The following SLAMF6 variants were observed in gnomAD, a reference collection of about 807,000 sequenced individuals.
SLAMF6 encodes the protein SLAM family member 6.
SLAMF6 carries 21 observed loss-of-function variants against 38.3 expected under a neutral mutation model. The observed-to-expected ratio is 0.55, with a 90% CI of 0.39 to 0.79. SLAMF6 has a LOEUF of 0.79. Among genes scored for constraint, SLAMF6 ranks in the 30% least tolerant of loss-of-function variants. The pLI is 0.00. For synonymous variants in SLAMF6, 152 were observed against 146.3 expected (o/e 1.04, Z -0.28); for missense variants, 341 against 385.3 (o/e 0.89, Z 0.96).
At chr1:160,487,440 T>C (rs558505992) in intron 6 of SLAMF6, among the ~76,000 whole-genome samples, 4 of 152,354 alleles carry the variant, frequency 2.6e-5, no homozygotes, top group East Asian at 3.9e-4. Context: ...CCTTGCTGTA[T>C]GAAGGGAAGG....
chr1:160,521,840 C>T (rs145495227), intron 1 of SLAMF6, among the ~76,000 whole-genome samples: 4 of 152,206 alleles, frequency 2.6e-5, no homozygotes, highest in Non-Finnish European at 5.9e-5. Context: ...ATTTCACTGC[C>T]GTCTTTACCA....
chr1:160,494,142 A>C (rs1653444623), intron 2 of SLAMF6, among the ~76,000 whole-genome samples: 1 of 152,198 alleles, frequency 6.6e-6, no homozygotes, highest in Non-Finnish European at 1.5e-5. Flanking sequence ...GTTAAAAATC[A>C]AACCTATATA....
intron 1 of SLAMF6, among the ~76,000 whole-genome samples, chr1:160,506,857 G>A (rs1423676914): frequency 6.6e-6 from 1 of 152,106 alleles, no homozygotes; most frequent in Non-Finnish European, 1.5e-5. Flanking sequence ...AGTTGAAGAG[G>A]TTAAATGTAA....
chr1:160,514,613 C>A (rs1654649384), intron 1 of SLAMF6, among the ~76,000 whole-genome samples: 1 of 152,122 alleles, frequency 6.6e-6, no homozygotes, highest in African/African-American at 2.4e-5. Context: ...AAGTAAAACA[C>A]TCCTCATCAA....
chr1:160,489,184 A>G lies in SLAMF6; in HGVS notation c.797-14T>C. On this transcript the variant is annotated splice_polypyrimidine_tract_variant and intron_variant, in intron 5 of 7. Transcript: ENST00000368057. ...TTGCGGACTCTGCTGTTAACATAGGAAGGCACAGTCAATGGCACAAGGACT... is the reference window on the plus strand; with the variant it reads ...TTGCGGACTCTGCTGTTAACATAGGGAGGCACAGTCAATGGCACAAGGACT... 6.2e-7 allele frequency: 1 copy of G among 1,613,704 alleles called. No individual in the cohort carries two copies. The highest frequency in any genetic ancestry group is 8.5e-7 in the Non-Finnish European group (1 of 1,179,704).
Position 160,486,886 on chromosome 1 carries a change from T to C in SLAMF6, c.952-132A>G, listed in dbSNP as rs1438766320. 1.6e-5 allele frequency: 17 copies of C among 1,078,850 alleles called. No individual in the cohort carries two copies. In the East Asian group the frequency reaches 2.0e-4, roughly 13 times the overall value. The allele number at this position is 1,078,850 out of a possible 1,614,324, so 66.8% of individuals were successfully genotyped here. ...GAGATATTGATAGCATAGGGCAGGATTAAATTTAAAAACATGTAATTGAAA... is the reference window on the plus strand; with the variant it reads ...GAGATATTGATAGCATAGGGCAGGACTAAATTTAAAAACATGTAATTGAAA... On this transcript the variant is annotated intron_variant, in intron 7 of 7. Transcript: ENST00000368057.
At position 160,491,293 on chromosome 1, in the gene SLAMF6, C is replaced by T. The variant is rs565649197; in HGVS notation, c.478G>A (p.Asp160Asn). The T allele has an allele frequency of 2.5e-6, 4 of 1,614,054 alleles. No individual in the cohort carries two copies. The highest frequency in any genetic ancestry group is 8.5e-7 in the Non-Finnish European group (1 of 1,179,970). Residue 160 changes from aspartate (D) to asparagine (N), a missense_variant, in exon 3 of 8, where the codon GAC becomes AAC. Coordinates refer to ENST00000368057, the MANE Select transcript of SLAMF6 (RefSeq NM_001184714.2). The part of the protein sequence containing the change: ...HLTCSVEDAD[D>N]NVSFRWEALG... ...GCCTCCCATCTGAATGAGACATTGT[C>T]ATCTGCATCCTCCACAGAGCAAGTC...
chr1:160,509,660 AT>A (rs1240756980), intron 1 of SLAMF6, among the ~76,000 whole-genome samples: 7 of 152,210 alleles, frequency 4.6e-5, no homozygotes, highest in African/African-American at 1.7e-4. Flanking sequence ...TATTAAAAAA[AT>A]AAAGAAGGAG....
chr1:160,495,361 A>G (rs984404400), intron 2 of SLAMF6, among the ~76,000 whole-genome samples: 6 of 152,368 alleles, frequency 3.9e-5, no homozygotes, highest in South Asian at 4.1e-4. Flanking sequence ...ATATTGACTC[A>G]TAAGAAATCT....
chr1:160,519,493 C>CTTGT (rs1654890925), intron 1 of SLAMF6, among the ~76,000 whole-genome samples: 1 of 152,158 alleles, frequency 6.6e-6, no homozygotes. Flanking sequence ...TAGTCAAATA[C>CTTGT]TTGTACACAT....
chr1:160,487,230 T>C, intron 6 of SLAMF6, 55 bp from the exon 7 acceptor site: 2 of 1,428,180 alleles, frequency 1.4e-6, no homozygotes, highest in Admixed American at 3.7e-5. Context: ...GATTAATGCA[T>C]AGATATATTC....
chr1:160,516,823 C>G (rs1245919838), intron 1 of SLAMF6, among the ~76,000 whole-genome samples: 1 of 152,164 alleles, frequency 6.6e-6, no homozygotes, highest in Non-Finnish European at 1.5e-5. Context: ...AAAATTGAAA[C>G]TGGACCCCTC....
intron 1 of SLAMF6, among the ~76,000 whole-genome samples, chr1:160,507,287 A>G (rs1032881806): frequency 6.6e-6 from 1 of 152,160 alleles, no homozygotes; most frequent in Non-Finnish European, 1.5e-5. Flanking sequence ...TTATTAGTAG[A>G]GGCAAAAAAG....
At chr1:160,507,888 T>A (rs546067424) in intron 1 of SLAMF6, among the ~76,000 whole-genome samples, 17 of 152,104 alleles carry the variant, frequency 1.1e-4, no homozygotes, top group Non-Finnish European at 1.3e-4. Context: ...GCAAAAGTAG[T>A]GCTCAGAGGG....
intron 1 of SLAMF6, among the ~76,000 whole-genome samples, chr1:160,518,298 A>G (rs1203540003): frequency 7.9e-5 from 12 of 152,180 alleles, no homozygotes; most frequent in Non-Finnish European, 1.8e-4. Flanking sequence ...ACTCTTTTAC[A>G]CTGTTGGTGG....
rs199671935 is a variant in SLAMF6 at position 160,496,215 on chromosome 1, G to A, written c.228C>T (p.His76=). 30 of 1,613,922 alleles carry A rather than the reference G, an allele frequency of 1.9e-5. 1 individual carries two copies. Among genetic ancestry groups the A allele is most frequent in the Admixed American group, 3.3e-5 (2 of 59,960 alleles). The change falls in exon 2 of 8, where the codon CAC becomes CAT. Residue 76 remains histidine, a synonymous_variant. Transcript: ENST00000368057. The part of the protein sequence containing the change: ...VPHETKSPEI[H]VTNPKQGKRL... ...GCTTTCCCTGTTTCGGATTAGTCAC[G>A]TGGATTTCTGGACTTTTGGTTTCAT...
chr1:160,495,335 G>A (rs1208567445), intron 2 of SLAMF6, among the ~76,000 whole-genome samples: 1 of 152,172 alleles, frequency 6.6e-6, no homozygotes, highest in Non-Finnish European at 1.5e-5. Context: ...CTGATTGCTA[G>A]AGAGGTATTT....
chr1:160,494,940 A>T (rs1031228238), intron 2 of SLAMF6, among the ~76,000 whole-genome samples: 1 of 152,026 alleles, frequency 6.6e-6, no homozygotes, highest in Non-Finnish European at 1.5e-5. Context: ...CCCCAGGGTG[A>T]TTTTTCCTTT....
At chr1:160,501,586 T>C (rs1653896228) in intron 1 of SLAMF6, among the ~76,000 whole-genome samples, 1 of 151,872 alleles carries the variant, frequency 6.6e-6, no homozygotes, top group African/African-American at 2.4e-5. Context: ...CTGGGAAGAG[T>C]TGGGAGTTGT....
Sources: gnomAD v4.1 joint callset for allele counts (sites outside exome capture counted in the v4.1 genomes callset) on GRCh38, gnomAD v4.1.1 for gene constraint, MANE v1.5 for transcripts, NCBI Gene and HGNC (gene_info 2026-07-23, HGNC 2026-07-21) for gene names.